Variants in THSD4 observed in about 807,000 individuals in gnomAD.
The protein encoded by THSD4 is thrombospondin type-1 domain-containing protein 4.
A neutral mutation model predicts 119.0 loss-of-function variants in THSD4; 69 were observed. That is an observed-to-expected ratio of 0.58 (90% confidence interval 0.48 to 0.71). THSD4 has a LOEUF of 0.71. Among genes scored for constraint, THSD4 ranks in the 30% least tolerant of loss-of-function variants. THSD4 has a pLI of 0.00. For synonymous variants in THSD4, 524 were observed against 540.4 expected (o/e 0.97, Z 0.42); for missense variants, 1,393 against 1,391.1 (o/e 1.00, Z -0.02).
rs972600365 is a variant in THSD4, at chr15:71,552,056, G to A, written c.1153-108474G>A. 5.8e-5 allele frequency among the ~76,000 whole-genome samples: 4 copies of A among 69,030 alleles called. No individual in the cohort carries two copies. In the South Asian group the frequency reaches 3.0e-3, roughly 52 times the overall value. 45.3% of individuals were successfully genotyped at this position (69,030 alleles called of 152,430 possible). On this transcript the variant is annotated intron_variant, in intron 7 of 17. Coordinates refer to ENST00000261862, the MANE Select transcript of THSD4 (RefSeq NM_024817.3). Reference sequence around the variant, plus strand: ...AGTAAGCACTTTAAGTGGGAAAAGAGGGGGAGCATTCCAGGCAGAGGGAAA... The same window carrying A: ...AGTAAGCACTTTAAGTGGGAAAAGAAGGGGAGCATTCCAGGCAGAGGGAAA...
At chr15:71,344,396 A>T (rs745348843) in intron 6 of THSD4, among the ~76,000 whole-genome samples, 7 of 152,118 alleles carry the variant, frequency 4.6e-5, no homozygotes, top group Admixed American at 4.6e-4. Context: ...ATAAGGTGAT[A>T]TGTGCAGATT....
intron 8 of THSD4, among the ~76,000 whole-genome samples, chr15:71,694,764 T>G (rs1214262834): frequency 1.3e-5 from 2 of 152,128 alleles, no homozygotes; most frequent in Non-Finnish European, 2.9e-5. Flanking sequence ...AGGAGAAGCC[T>G]GAAGTACAAC....
intron 5 of THSD4, 23 bp from the exon 6 acceptor site, chr15:71,256,590 A>G (rs368192435): frequency 8.3e-5 from 133 of 1,604,252 alleles, no homozygotes; most frequent in Non-Finnish European, 1.1e-4. Context: ...CACTAATTGC[A>G]TATTTAATAT....
At chr15:71,563,716 T>C (rs2049171645) in intron 7 of THSD4, among the ~76,000 whole-genome samples, 1 of 152,248 alleles carries the variant, frequency 6.6e-6, no homozygotes, top group Admixed American at 6.5e-5. Context: ...TGTATGTTAA[T>C]GACCTTAGTA....
chr15:71,398,478 C>T (rs564994020), intron 6 of THSD4, among the ~76,000 whole-genome samples: 1 of 152,174 alleles, frequency 6.6e-6, no homozygotes, highest in Non-Finnish European at 1.5e-5. Context: ...CTAACACAGG[C>T]TGATGAAGGC....
intron 4 of THSD4, among the ~76,000 whole-genome samples, chr15:71,228,304 AGCCAAGGCATGCTG>A (rs1424362066): frequency 6.6e-6 from 1 of 152,122 alleles, no homozygotes; most frequent in Non-Finnish European, 1.5e-5. Flanking sequence ...ATATAGCCAC[AGCCAAGGCATGCTG>A]GCGGCCGCCA....
chr15:71,385,461 G>C (rs2046283314), intron 6 of THSD4, among the ~76,000 whole-genome samples: 1 of 152,220 alleles, frequency 6.6e-6, no homozygotes, highest in Admixed American at 6.5e-5. Flanking sequence ...AAGCAGAACA[G>C]GTTCAGAAAG....
At chr15:71,513,577 C>G (rs1247143892) in intron 7 of THSD4, among the ~76,000 whole-genome samples, 1 of 152,124 alleles carries the variant, frequency 6.6e-6, no homozygotes, top group Non-Finnish European at 1.5e-5. Context: ...ACTTTATTCT[C>G]AATACCAAGG....
chr15:71,424,282 G>A (rs762623215), intron 7 of THSD4, among the ~76,000 whole-genome samples: 8 of 152,202 alleles, frequency 5.3e-5, no homozygotes, highest in South Asian at 2.1e-4. Context: ...CTTTAGACCC[G>A]AGAGCTGAAA....
chr15:71,598,373 C>T (rs920108134), intron 7 of THSD4, among the ~76,000 whole-genome samples: 1 of 152,034 alleles, frequency 6.6e-6, no homozygotes. Context: ...ATGAGTTTGA[C>T]CTTTTGACTA....
chr15:71,476,562 T>C (rs2047658516), intron 7 of THSD4, among the ~76,000 whole-genome samples: 2 of 152,230 alleles, frequency 1.3e-5, no homozygotes, highest in African/African-American at 2.4e-5. Flanking sequence ...ATATCCCTGA[T>C]ACTCAGCTGC....
chr15:71,248,390 G>A (rs1293116279), intron 5 of THSD4, among the ~76,000 whole-genome samples: 1 of 152,174 alleles, frequency 6.6e-6, no homozygotes, highest in East Asian at 1.9e-4. Flanking sequence ...TCTTTTAGGT[G>A]CTCTGAATGC....
intron 7 of THSD4, among the ~76,000 whole-genome samples, chr15:71,508,554 C>T (rs372740921): frequency 2.6e-5 from 4 of 152,024 alleles, no homozygotes; most frequent in East Asian, 3.9e-4. Flanking sequence ...AAAGGGCCTG[C>T]GGCAGGGGGT....
upstream of THSD4, chr15:71,113,807 T>G (rs992751877): frequency 6.6e-6 from 1 of 152,254 alleles, no homozygotes; most frequent in African/African-American, 2.4e-5. Flanking sequence ...TGAACAAATC[T>G]TATTAGTTTT....
chr15:71,555,108 C>T (rs1220941337), intron 7 of THSD4, among the ~76,000 whole-genome samples: 5 of 152,324 alleles, frequency 3.3e-5, no homozygotes, highest in Middle Eastern at 6.8e-3. Flanking sequence ...GGGCCAGGTG[C>T]AGTGGCTCAT....
Position 71,674,835 on chromosome 15 carries a change from A to G in THSD4, c.1357+14101A>G, listed in dbSNP as rs144708408. Reference sequence around the variant, plus strand: ...GATGCTGCTGAACCTTCCACAGTGCACAGGGCGGCTCCCACAGTGAAGAAT... The same window carrying G: ...GATGCTGCTGAACCTTCCACAGTGCGCAGGGCGGCTCCCACAGTGAAGAAT... On this transcript the variant is annotated intron_variant, in intron 8 of 17. Coordinates refer to ENST00000261862, the MANE Select transcript of THSD4 (RefSeq NM_024817.3). 9.3e-3 allele frequency among the ~76,000 whole-genome samples: 1,412 copies of G among 152,280 alleles called. 29 individuals carry two copies. Among genetic ancestry groups the G allele is most frequent in the African/African-American group, 0.032 (1,339 of 41,550 alleles).
At chr15:71,211,389 T>A (rs2043887205) in intron 3 of THSD4, among the ~76,000 whole-genome samples, 1 of 152,130 alleles carries the variant, frequency 6.6e-6, no homozygotes, top group Non-Finnish European at 1.5e-5. Flanking sequence ...GTTCTCTTCC[T>A]GGCTTGCAGA....
chr15:71,595,626 C>T (rs1045959510), intron 7 of THSD4, among the ~76,000 whole-genome samples: 1 of 151,992 alleles, frequency 6.6e-6, no homozygotes, highest in African/African-American at 2.4e-5. Context: ...CTTGGAAGCT[C>T]AGAGGGCCTA....
At chr15:71,165,093 A>T in intron 3 of THSD4, 3 of 1,611,286 alleles carry the variant, frequency 1.9e-6, no homozygotes, top group Non-Finnish European at 2.5e-6. Flanking sequence ...TTTGGGCGAT[A>T]CTCAGAGCAG....
Sources: gnomAD v4.1 joint callset for allele counts (sites outside exome capture counted in the v4.1 genomes callset) on GRCh38, gnomAD v4.1.1 for gene constraint, MANE v1.5 for transcripts, NCBI Gene and HGNC (gene_info 2026-07-23, HGNC 2026-07-21) for gene names.